Variants in GULP1 observed in about 807,000 individuals in gnomAD.
GULP1 encodes GULP PTB domain containing engulfment adaptor 1.
GULP1 carries 19 observed loss-of-function variants against 40.9 expected under a neutral mutation model. The ratio of observed to expected loss-of-function variants is 0.46; its 90% CI spans 0.32 to 0.68. The LOEUF (loss-of-function observed/expected upper bound fraction) is 0.68, where lower values mean the gene tolerates loss of function less well. Ranked by LOEUF, GULP1 falls within the 30% of genes least tolerant of loss-of-function variation. GULP1 has a pLI of 0.03. For missense variants in GULP1, 312 were observed against 362.2 expected, an observed-to-expected ratio of 0.86 and a Z score of 1.12; for synonymous variants, 119 against 117.6, an observed-to-expected ratio of 1.01 and a Z score of -0.08.
chr2:188,339,500 A>G (rs775115932), intron 1 of GULP1, among the ~76,000 whole-genome samples: 4 of 152,200 alleles, frequency 2.6e-5, no homozygotes, highest in Non-Finnish European at 5.9e-5. Context: ...AAGACATGGT[A>G]TACATTTTTA....
intron 1 of GULP1, among the ~76,000 whole-genome samples, chr2:188,327,397 A>G (rs935801440): frequency 4.6e-5 from 7 of 152,158 alleles, no homozygotes; most frequent in African/African-American, 1.4e-4. Flanking sequence ...ACATATGGGA[A>G]CATTTCTTTG....
In GULP1 at chr2:188,561,535, T is replaced by C. The variant is rs149046411; in HGVS notation, c.400-7704T>C. ...CTGGGAGGTGCACTCAAGTGCCCAA[T>C]GTGGTGGATTGGGTTGGGTAATCCA... is the stretch of plus-strand genomic sequence containing the variant. On this transcript the variant is annotated intron_variant, in intron 7 of 11. Coordinates refer to ENST00000409830, the MANE Select transcript of GULP1 (RefSeq NM_016315.4). Among the ~76,000 whole-genome samples the C allele has an allele frequency of 1.8e-4, 27 of 152,238 alleles. No homozygotes were observed. In the East Asian group the frequency reaches 5.0e-3, roughly 28 times the overall value.
intron 7 of GULP1, chr2:188,541,608 T>A: frequency 1.9e-6 from 1 of 537,480 alleles, no homozygotes; most frequent in Non-Finnish European, 3.3e-6. Context: ...AATAATTTAA[T>A]CTATTTTACA....
At position 188,339,207 on chromosome 2, in the gene GULP1, A is replaced by T. The variant is rs566163265; in HGVS notation, c.-171-44556A>T. On this transcript the variant is annotated intron_variant, in intron 1 of 11. Transcript: ENST00000409830. Reference sequence around the variant, plus strand: ...CACATTTAAAAGCAGCTCACTTTGAATATCAGTTTAAAAGCAGATATTTGA... The same window carrying T: ...CACATTTAAAAGCAGCTCACTTTGATTATCAGTTTAAAAGCAGATATTTGA... 3.9e-5 allele frequency among the ~76,000 whole-genome samples: 6 copies of T among 152,350 alleles called. No individual in the cohort carries two copies. The East Asian group carries it at 1.2e-3, about 29-fold the overall frequency.
At chr2:188,574,527 G>A (rs1045138209) in intron 9 of GULP1, among the ~76,000 whole-genome samples, 1 of 152,116 alleles carries the variant, frequency 6.6e-6, no homozygotes, top group Admixed American at 6.6e-5. Context: ...GGGAGGTTGA[G>A]GTGGAAAGAT....
At chr2:188,297,324 T>G (rs1443125534) in intron 1 of GULP1, among the ~76,000 whole-genome samples, 8 of 152,066 alleles carry the variant, frequency 5.3e-5, no homozygotes. Context: ...CACAAGCACA[T>G]GTACAGTTAA....
chr2:188,520,122 C>G (rs1488976644), intron 4 of GULP1, among the ~76,000 whole-genome samples: 1 of 152,148 alleles, frequency 6.6e-6, no homozygotes, highest in Non-Finnish European at 1.5e-5. Flanking sequence ...TTCTCATTCA[C>G]TTTGGTCTTT....
At chr2:188,480,140 T>G (rs2061335071) in intron 3 of GULP1, among the ~76,000 whole-genome samples, 1 of 152,106 alleles carries the variant, frequency 6.6e-6, no homozygotes, top group Non-Finnish European at 1.5e-5. Flanking sequence ...ATCAATAACA[T>G]TATTTCATTA....
intron 1 of GULP1, among the ~76,000 whole-genome samples, chr2:188,305,295 C>T (rs192603559): frequency 4.3e-4 from 65 of 152,324 alleles, no homozygotes; most frequent in African/African-American, 1.4e-3. Flanking sequence ...ACATGTTCAG[C>T]TATCCAGAAG....
At chr2:188,475,474 T>TTAAA (rs1173717913) in intron 2 of GULP1, among the ~76,000 whole-genome samples, 1 of 152,046 alleles carries the variant, frequency 6.6e-6, no homozygotes, top group Non-Finnish European at 1.5e-5. Context: ...AAAGCCACGC[T>TTAAA]ATTGTTTAAT....
At chr2:188,514,082 T>TGTGTGTGTGTGTGTGTGTGC (rs766246317) in intron 4 of GULP1, among the ~76,000 whole-genome samples, 7 of 149,354 alleles carry the variant, frequency 4.7e-5, no homozygotes, top group East Asian at 4.0e-4. Flanking sequence ...TGTGTGTGTG[T>TGTGTGTGTGTGTGTGTGTGC]GCGCCCTGCC....
intron 2 of GULP1, among the ~76,000 whole-genome samples, chr2:188,393,175 C>T (rs536410895): frequency 1.7e-4 from 26 of 151,514 alleles, no homozygotes; most frequent in Non-Finnish European, 3.8e-4. Context: ...GTCAGTGCCA[C>T]GTTGAAGTCC....
At chr2:188,324,807 C>G (rs1263062227) in intron 1 of GULP1, among the ~76,000 whole-genome samples, 1 of 151,718 alleles carries the variant, frequency 6.6e-6, no homozygotes, top group Non-Finnish European at 1.5e-5. Flanking sequence ...TAAATATAGA[C>G]ACATCATGAT....
At chr2:188,332,191 C>CTT (rs11431434) in intron 1 of GULP1, among the ~76,000 whole-genome samples, 2,613 of 126,618 alleles carry the variant, frequency 0.021, 67 homozygotes, top group South Asian at 0.049. Flanking sequence ...TTTCTTTATT[C>CTT]TTTTTTTTTT....
intron 1 of GULP1, among the ~76,000 whole-genome samples, chr2:188,310,266 A>G (rs892630634): frequency 3.3e-5 from 5 of 152,214 alleles, no homozygotes; most frequent in Non-Finnish European, 5.9e-5. Flanking sequence ...AGCTTTGAGC[A>G]AGACAGAATG....
At position 188,399,703 on chromosome 2, in the gene GULP1, A is replaced by AC. The variant is rs1243412775; in HGVS notation, c.-45+15814_-45+15815insC. On this transcript the variant is annotated intron_variant, in intron 2 of 11. Coordinates refer to ENST00000409830, the MANE Select transcript of GULP1 (RefSeq NM_016315.4). ...CTGTCCCTACAAGAAAAAAAAAAAA[A>AC]AAAAAAAAAAACATCAAACTGTAAT... is the stretch of plus-strand genomic sequence containing the variant. Among the ~76,000 whole-genome samples the AC allele has an allele frequency of 7.6e-4, 114 of 149,842 alleles. 1 individual carries two copies. Among genetic ancestry groups the AC allele is most frequent in the Admixed American group, 1.3e-3 (20 of 14,962 alleles).
rs181483766 is a variant in GULP1 at position 188,378,081 on chromosome 2, G to A, written c.-171-5682G>A. On this transcript the variant is annotated intron_variant, in intron 1 of 11. Coordinates refer to ENST00000409830, the MANE Select transcript of GULP1 (RefSeq NM_016315.4). ...TAGAATATATCATTCAATACTTTAA[G>A]TGTTTCACAAACTTTGTAATCGTTT... 2.4e-3 allele frequency among the ~76,000 whole-genome samples: 364 copies of A among 152,128 alleles called. 6 individuals carry two copies. Among genetic ancestry groups the A allele is most frequent in the Middle Eastern group, 0.01 (3 of 294 alleles).
intron 2 of GULP1, among the ~76,000 whole-genome samples, chr2:188,413,179 G>T (rs768848092): frequency 1.3e-5 from 2 of 152,152 alleles, no homozygotes; most frequent in Non-Finnish European, 2.9e-5. Flanking sequence ...GCATAAGAGT[G>T]CAGTCTAAGA....
intron 1 of GULP1, among the ~76,000 whole-genome samples, chr2:188,315,053 T>A (rs1308328593): frequency 6.6e-6 from 1 of 152,064 alleles, no homozygotes; most frequent in East Asian, 1.9e-4. Context: ...AGCCTTGAAA[T>A]GCTTACTTTA....
Sources: gnomAD v4.1 joint callset for allele counts (sites outside exome capture counted in the v4.1 genomes callset) on GRCh38, gnomAD v4.1.1 for gene constraint, MANE v1.5 for transcripts, NCBI Gene and HGNC (gene_info 2026-07-23, HGNC 2026-07-21) for gene names.